Variants in NAV1 observed in about 807,000 individuals in gnomAD.
NAV1 encodes neuron navigator 1.
NAV1 carries 18 observed loss-of-function variants against 175.2 expected under a neutral mutation model. The observed-to-expected ratio is 0.10, with a 90% CI of 0.07 to 0.15. The LOEUF is 0.15. NAV1 is among the 10% of genes least tolerant of loss of function. The pLI, the probability that NAV1 is intolerant of heterozygous loss-of-function variation, is 1.00. For synonymous variants in NAV1, 897 were observed against 978.7 expected, an observed-to-expected ratio of 0.92 and a Z score of 1.56; for missense variants, 1,731 against 2,436.6, an observed-to-expected ratio of 0.71 and a Z score of 6.10.
At chr1:201,749,397 T>C (rs532349809) in intron 3 of NAV1, among the ~76,000 whole-genome samples, 140 of 152,334 alleles carry the variant, frequency 9.2e-4, no homozygotes, top group African/African-American at 3.1e-3. Flanking sequence ...CTTTTGTCTT[T>C]CCAAAATGGT....
intron 1 of NAV1, among the ~76,000 whole-genome samples, chr1:201,709,144 CCA>C (rs1558086229): frequency 1.4e-4 from 17 of 117,342 alleles, no homozygotes; most frequent in Admixed American, 1.8e-4. Context: ...GACCCTGTCT[CCA>C]AAAAAAAAAA....
At chr1:201,780,399 C>T in intron 3 of NAV1, 22 bp from the exon 8 acceptor site, 1 of 1,613,494 alleles carries the variant, frequency 6.2e-7, no homozygotes, top group South Asian at 1.1e-5. Flanking sequence ...AACGATTGAC[C>T]TTCATCTCTC....
At chr1:201,618,797 A>G (rs1040884268), upstream of NAV1, among the ~76,000 whole-genome samples, 2 of 152,148 alleles carry the variant, frequency 1.3e-5, no homozygotes, top group African/African-American at 4.8e-5. Context: ...AGAACTAGAA[A>G]CAATGTCTCA....
intron 1 of NAV1, among the ~76,000 whole-genome samples, chr1:201,540,967 CT>C (rs1322284913): frequency 4.6e-5 from 7 of 152,226 alleles, no homozygotes; most frequent in Non-Finnish European, 1.0e-4. Context: ...ATTTCCTGAA[CT>C]TTCCAGGTGA....
intron 1 of NAV1, among the ~76,000 whole-genome samples, chr1:201,682,115 CAAA>C (rs34550001): frequency 1.2e-5 from 1 of 83,470 alleles, no homozygotes; most frequent in Non-Finnish European, 2.4e-5. Context: ...GACTCCATCT[CAAA>C]AAAAAAAAAA....
In NAV1 at chr1:201,681,318, C is replaced by G. The variant is rs541521721; in HGVS notation, c.758-31499C>G. On this transcript the variant is annotated intron_variant, in intron 1 of 29. Transcript: ENST00000367296. The stretch of plus-strand genomic sequence containing the variant: ...TTGGCATTACTTAAAAATAAAAGAC[C>G]CTGTGGTCAAATAAATCTAGGAAAC... Among the ~76,000 whole-genome samples the G allele has an allele frequency of 2.6e-5, 4 of 152,254 alleles. No homozygotes were observed. The South Asian group carries it at 8.3e-4, about 32-fold the overall frequency.
chr1:201,541,515 G>T lies in NAV1; in HGVS notation c.-144+2173G>T, dbSNP rs542440353. On this transcript the variant is annotated intron_variant, in intron 1 of 33. Coordinates refer to the NAV1 transcript ENST00000685211. The stretch of plus-strand genomic sequence containing the variant: ...AACTGAAAACAAGAATGCTGTTTTG[G>T]CCAGGTGCGGTGGCTCATGCCCGTA... Among the ~76,000 whole-genome samples the T allele has an allele frequency of 3.9e-5, 6 of 152,182 alleles. No individual in the cohort carries two copies. In the East Asian group the frequency reaches 1.2e-3, roughly 29 times the overall value.
intron 2 of NAV1, among the ~76,000 whole-genome samples, chr1:201,607,776 G>A (rs1367050775): frequency 2.0e-5 from 3 of 152,170 alleles, no homozygotes; most frequent in Admixed American, 2.0e-4. Flanking sequence ...ATAGATGTGA[G>A]TCACTGCACC....
chr1:201,671,376 A>G (rs1359749160), intron 1 of NAV1, among the ~76,000 whole-genome samples: 1 of 151,794 alleles, frequency 6.6e-6, no homozygotes, highest in African/African-American at 2.4e-5. Flanking sequence ...TCCCCTCCAT[A>G]CCTGCTTCCT....
At chr1:201,626,955 T>C (rs1392332422) in intron 1 of NAV1, among the ~76,000 whole-genome samples, 1 of 152,212 alleles carries the variant, frequency 6.6e-6, no homozygotes, top group African/African-American at 2.4e-5. Flanking sequence ...CTGACTGAAA[T>C]TAGAGATAAA....
intron 3 of NAV1, among the ~76,000 whole-genome samples, chr1:201,746,881 G>C (rs953196864): frequency 2.1e-4 from 32 of 152,018 alleles, no homozygotes; most frequent in African/African-American, 5.8e-4. Context: ...GCACACGCCT[G>C]TAGTTCCAGC....
At chr1:201,817,514 T>G (rs532238385) in intron 29 of NAV1, among the ~76,000 whole-genome samples, 1 of 152,136 alleles carries the variant, frequency 6.6e-6, no homozygotes, top group African/African-American at 2.4e-5. Flanking sequence ...ATACATACAC[T>G]GATGGGGGCC....
chr1:201,593,057 A>T (rs1667246338), intron 2 of NAV1, among the ~76,000 whole-genome samples: 1 of 152,132 alleles, frequency 6.6e-6, no homozygotes, highest in African/African-American at 2.4e-5. Flanking sequence ...CCTGCCTTAG[A>T]TTGCCCCAGA....
chr1:201,671,042 G>T (rs1284576300), intron 1 of NAV1, among the ~76,000 whole-genome samples: 1 of 152,214 alleles, frequency 6.6e-6, no homozygotes, highest in Non-Finnish European at 1.5e-5. Flanking sequence ...TGTTATGGCA[G>T]TTGTGATGCT....
intron 3 of NAV1, chr1:201,739,803 G>A: frequency 8.1e-7 from 1 of 1,228,066 alleles, no homozygotes; most frequent in Non-Finnish European, 1.0e-6. Context: ...GAAGTCAGCG[G>A]CGGGGAAATG....
chr1:201,772,412 A>G (rs1675647846), intron 3 of NAV1, among the ~76,000 whole-genome samples: 1 of 152,238 alleles, frequency 6.6e-6, no homozygotes, highest in South Asian at 2.1e-4. Flanking sequence ...CTCCTCATGC[A>G]GGTCTGTATT....
intron 1 of NAV1, among the ~76,000 whole-genome samples, chr1:201,578,530 A>G (rs956394080): frequency 1.1e-4 from 17 of 152,238 alleles, no homozygotes; most frequent in Middle Eastern, 3.4e-3. Flanking sequence ...TATTACTGCT[A>G]GGTGGGGGTG....
chr1:201,631,818 G>T (rs913656993), intron 2 of NAV1, among the ~76,000 whole-genome samples: 2 of 152,194 alleles, frequency 1.3e-5, no homozygotes, highest in Non-Finnish European at 2.9e-5. Flanking sequence ...ATATCAATTT[G>T]TAGATGGCTG....
At chr1:201,795,489 C>T (rs1234229765) in intron 15 of NAV1, 1 of 152,154 alleles carries the variant, frequency 6.6e-6, no homozygotes, top group African/African-American at 2.4e-5. Context: ...CTCTTATGCT[C>T]TATTCATTCC....
Sources: gnomAD v4.1 joint callset for allele counts (sites outside exome capture counted in the v4.1 genomes callset) on GRCh38, gnomAD v4.1.1 for gene constraint, MANE v1.5 for transcripts, NCBI Gene and HGNC (gene_info 2026-07-23, HGNC 2026-07-21) for gene names.